SLC5A4: variants seen among roughly 807,000 people sequenced by gnomAD.
SLC5A4 encodes the protein solute carrier family 5 member 4.
Under a neutral mutation model 70.3 loss-of-function variants are expected in SLC5A4, and 55 were observed. The observed-to-expected ratio is 0.78, with a 90% CI of 0.63 to 0.98. The LOEUF is 0.98. Among genes scored for constraint, SLC5A4 ranks in the 50% least tolerant of loss-of-function variants. The pLI, the probability that SLC5A4 is intolerant of heterozygous loss-of-function variation, is 0.00. For synonymous variants in SLC5A4, 268 were observed against 305.7 expected, an observed-to-expected ratio of 0.88 and a Z score of 1.29; for missense variants, 735 against 839.2, an observed-to-expected ratio of 0.88 and a Z score of 1.53.
the SLC5A4 span, among the ~76,000 whole-genome samples, chr22:32,338,481 C>T: frequency 1.3e-5 from 2 of 152,098 alleles, no homozygotes; most frequent in East Asian, 3.9e-4. Flanking sequence ...GAACCTCCCC[C>T]ACCACCCACC....
chr22:32,353,634 ATAGCG>A, the SLC5A4 span, among the ~76,000 whole-genome samples: 1 of 151,242 alleles, frequency 6.6e-6, no homozygotes, highest in Non-Finnish European at 1.5e-5. Context: ...TAGCCCCCAG[ATAGCG>A]CCTCCAACAC....
chr22:32,352,935 G>A, the SLC5A4 span, among the ~76,000 whole-genome samples: 4 of 152,250 alleles, frequency 2.6e-5, no homozygotes, highest in Non-Finnish European at 5.9e-5. Context: ...GAGGCGAGCG[G>A]TGGTGCCACA....
chr22:32,246,864 G>A (rs572412090), intron 5 of SLC5A4, among the ~76,000 whole-genome samples: 1 of 152,236 alleles, frequency 6.6e-6, no homozygotes, highest in East Asian at 1.9e-4. Flanking sequence ...TACTTAAAAT[G>A]TACTTTAAAA....
At chr22:32,332,983 CT>C in the SLC5A4 span, among the ~76,000 whole-genome samples, 9 of 152,322 alleles carry the variant, frequency 5.9e-5, no homozygotes, top group South Asian at 1.0e-3. Flanking sequence ...ATTCTTACCC[CT>C]GATCAGCATC....
chr22:32,250,878 T>C (rs1443061655), intron 3 of SLC5A4, among the ~76,000 whole-genome samples: 1 of 151,902 alleles, frequency 6.6e-6, no homozygotes, highest in African/African-American at 2.4e-5. Flanking sequence ...ACACCACATG[T>C]TCTCATTCAT....
the SLC5A4 span, among the ~76,000 whole-genome samples, chr22:32,336,933 A>G: frequency 6.6e-6 from 1 of 152,224 alleles, no homozygotes; most frequent in Non-Finnish European, 1.5e-5. Context: ...ATAAATGAGT[A>G]AATTAATCTT....
the SLC5A4 span, among the ~76,000 whole-genome samples, chr22:32,306,520 G>A: frequency 1.3e-5 from 1 of 77,460 alleles, no homozygotes; most frequent in Non-Finnish European, 2.4e-5. Context: ...ACAGCGGTCA[G>A]TGAAAAACTC....
At chr22:32,238,677 T>C (rs1281932562) in intron 6 of SLC5A4, among the ~76,000 whole-genome samples, 2 of 152,100 alleles carry the variant, frequency 1.3e-5, no homozygotes, top group Non-Finnish European at 2.9e-5. Context: ...CTCCCAACCG[T>C]CTGTGTGGAT....
At chr22:32,284,788 C>G in the SLC5A4 span, 1 of 152,148 alleles carries the variant, frequency 6.6e-6, no homozygotes. Context: ...TGGTAATTGT[C>G]TTTGGAAACA....
chr22:32,218,846 G>C (rs1346259717), intron 14 of SLC5A4, 121 bp from the exon 15 acceptor site: 3 of 658,210 alleles, frequency 4.6e-6, no homozygotes, highest in Non-Finnish European at 7.5e-6. Context: ...GTGTTAAGAG[G>C]AATCCCTGAG....
the SLC5A4 span, among the ~76,000 whole-genome samples, chr22:32,306,665 C>T: frequency 2.0e-5 from 3 of 152,138 alleles, no homozygotes; most frequent in Non-Finnish European, 2.9e-5. Context: ...CAACCCCTGC[C>T]GCTGTATGCC....
At chr22:32,287,749 GT>G in the SLC5A4 span, among the ~76,000 whole-genome samples, 1 of 149,914 alleles carries the variant, frequency 6.7e-6, no homozygotes. Context: ...GTCTCCCAAA[GT>G]TGTTGGGATT....
chr22:32,331,016 GGTGT>G, the SLC5A4 span, among the ~76,000 whole-genome samples: 201 of 36,960 alleles, frequency 5.4e-3, no homozygotes, highest in African/African-American at 0.01. Flanking sequence ...TGGGGGCTCT[GGTGT>G]GTGTGTGTGT....
chr22:32,309,801 G>GCCTCT, the SLC5A4 span, among the ~76,000 whole-genome samples: 1 of 152,042 alleles, frequency 6.6e-6, no homozygotes, highest in African/African-American at 2.4e-5. Context: ...GGCTCTGAGA[G>GCCTCT]GTTAAGTGGC....
chr22:32,248,896 A>T (rs949735404), intron 3 of SLC5A4, 94 bp from the exon 4 acceptor site: 1 of 856,344 alleles, frequency 1.2e-6, no homozygotes, highest in Non-Finnish European at 2.0e-6. Context: ...GAAATTAAAA[A>T]AAAAAGTTGG....
chr22:32,307,130 C>G, the SLC5A4 span, among the ~76,000 whole-genome samples: 2 of 149,956 alleles, frequency 1.3e-5, no homozygotes, highest in African/African-American at 4.9e-5. Flanking sequence ...GAGCCCATTA[C>G]CATTTATGGT....
the SLC5A4 span, chr22:32,270,468 C>A: frequency 1.1e-6 from 1 of 941,362 alleles, no homozygotes; most frequent in Non-Finnish European, 1.7e-6. Flanking sequence ...AGGGGGAGGG[C>A]ACGGAGCAGG....
chr22:32,307,679 G>T, the SLC5A4 span, among the ~76,000 whole-genome samples: 1 of 152,208 alleles, frequency 6.6e-6, no homozygotes, highest in Non-Finnish European at 1.5e-5. Context: ...TGTGGGACGT[G>T]TTGGTGCTAC....
At chr22:32,224,021 C>T (rs997672524) in intron 13 of SLC5A4, among the ~76,000 whole-genome samples, 4 of 151,966 alleles carry the variant, frequency 2.6e-5, no homozygotes, top group Admixed American at 6.6e-5. Context: ...CCCAGGTTCA[C>T]GCCATTCTCC....
Sources: gnomAD v4.1 joint callset for allele counts (sites outside exome capture counted in the v4.1 genomes callset) on GRCh38, gnomAD v4.1.1 for gene constraint, MANE v1.5 for transcripts, NCBI Gene and HGNC (gene_info 2026-07-23, HGNC 2026-07-21) for gene names.